The following TMEM117 variants were observed in gnomAD, a reference collection of about 807,000 sequenced individuals.
The protein encoded by TMEM117 is transmembrane protein 117.
Under a neutral mutation model 52.4 loss-of-function variants are expected in TMEM117, and 27 were observed. The observed-to-expected ratio is 0.51, with a 90% CI of 0.38 to 0.71. TMEM117 has a LOEUF of 0.71. Ranked by LOEUF, TMEM117 falls within the 30% of genes least tolerant of loss-of-function variation. TMEM117 has a pLI of 0.00. For synonymous variants in TMEM117, 215 were observed against 206.3 expected (o/e 1.04, Z -0.36); for missense variants, 556 against 630.5 (o/e 0.88, Z 1.26).
chr12:43,871,915 C>T (rs1447890188), intron 2 of TMEM117, among the ~76,000 whole-genome samples: 1 of 152,184 alleles, frequency 6.6e-6, no homozygotes, highest in Non-Finnish European at 1.5e-5. Context: ...TGGGTGCTCT[C>T]TTACCTTAAA....
chr12:44,390,778 CT>C (rs1302533160), downstream of TMEM117, among the ~76,000 whole-genome samples: 1 of 152,090 alleles, frequency 6.6e-6, no homozygotes, highest in African/African-American at 2.4e-5. Context: ...GTGACCTTTT[CT>C]TACCTACATA....
At chr12:43,839,600 A>C (rs1327421706) in intron 1 of TMEM117, among the ~76,000 whole-genome samples, 1 of 151,880 alleles carries the variant, frequency 6.6e-6, no homozygotes, top group Admixed American at 6.6e-5. Context: ...CACACCTGAC[A>C]CTCCCTGTTA....
intron 6 of TMEM117, among the ~76,000 whole-genome samples, chr12:44,335,525 G>C (rs181799429): frequency 6.6e-6 from 1 of 151,878 alleles, no homozygotes; most frequent in Non-Finnish European, 1.5e-5. Flanking sequence ...TATATTCAGG[G>C]TCATCTAGTT....
intron 6 of TMEM117, among the ~76,000 whole-genome samples, chr12:44,329,989 T>C (rs1303812844): frequency 6.6e-6 from 1 of 152,118 alleles, no homozygotes; most frequent in Non-Finnish European, 1.5e-5. Flanking sequence ...TAGAAATGTC[T>C]GTTCAAGTTC....
At chr12:44,256,016 A>G (rs1460764169) in intron 5 of TMEM117, among the ~76,000 whole-genome samples, 1 of 152,006 alleles carries the variant, frequency 6.6e-6, no homozygotes, top group Non-Finnish European at 1.5e-5. Context: ...AGCAGATTTT[A>G]TATTAAATTA....
chr12:43,817,695 T>G, the TMEM117 span, among the ~76,000 whole-genome samples: 1 of 152,202 alleles, frequency 6.6e-6, no homozygotes, highest in Admixed American at 6.5e-5. Context: ...CTTTATTAGA[T>G]TAGTTGATTC....
the TMEM117 span, among the ~76,000 whole-genome samples, chr12:43,798,986 A>C: frequency 1.3e-5 from 2 of 151,828 alleles, no homozygotes; most frequent in African/African-American, 4.8e-5. Flanking sequence ...ATTCAAGTAG[A>C]GTTCATAGAA....
chr12:43,976,159 C>T (rs75539343), intron 3 of TMEM117, among the ~76,000 whole-genome samples: 5,897 of 152,154 alleles, frequency 0.039, 369 homozygotes, highest in African/African-American at 0.13. Flanking sequence ...CACTTCTAGT[C>T]GACTGGAGGC....
chr12:44,018,461 T>G (rs1036401802), intron 3 of TMEM117, among the ~76,000 whole-genome samples: 1 of 152,190 alleles, frequency 6.6e-6, no homozygotes, highest in Non-Finnish European at 1.5e-5. Context: ...GAAACACATT[T>G]GAAGTAATTT....
At chr12:44,326,256 GT>G in intron 6 of TMEM117, among the ~76,000 whole-genome samples, 1 of 152,248 alleles carries the variant, frequency 6.6e-6, no homozygotes, top group East Asian at 1.9e-4. Flanking sequence ...GCCCAAATAT[GT>G]TATTAATGCA....
Position 44,013,848 on chromosome 12 carries a change from T to C in TMEM117, c.410+69506T>C, listed in dbSNP as rs146043595. Among the ~76,000 whole-genome samples the C allele has an allele frequency of 1.7e-3, 266 of 152,342 alleles. 1 individual carries two copies. Among genetic ancestry groups the C allele is most frequent in the African/African-American group, 5.1e-3 (214 of 41,578 alleles). ...CCAATTTGTGGTGTAGGGTTTGCCCTAAGACTTCACTTCACTGACAGATCT... is the reference window on the plus strand; with the variant it reads ...CCAATTTGTGGTGTAGGGTTTGCCCCAAGACTTCACTTCACTGACAGATCT... On this transcript the variant is annotated intron_variant, in intron 3 of 7. Coordinates refer to ENST00000266534, the MANE Select transcript of TMEM117 (RefSeq NM_032256.3).
At chr12:44,006,060 A>G (rs1826381) in intron 3 of TMEM117, among the ~76,000 whole-genome samples, 2 of 152,120 alleles carry the variant, frequency 1.3e-5, no homozygotes, top group Admixed American at 6.6e-5. Flanking sequence ...ACTAATACAT[A>G]GGGTTGTAGC....
intron 3 of TMEM117, among the ~76,000 whole-genome samples, chr12:44,038,255 G>A (rs958807306): frequency 6.6e-6 from 1 of 152,142 alleles, no homozygotes; most frequent in East Asian, 1.9e-4. Flanking sequence ...CCCTTGGGGA[G>A]CCTATACCTA....
intron 3 of TMEM117, among the ~76,000 whole-genome samples, chr12:44,096,281 A>G (rs1947759796): frequency 6.6e-6 from 1 of 152,204 alleles, no homozygotes; most frequent in Non-Finnish European, 1.5e-5. Context: ...GTAAATGGCC[A>G]TACTGCCCAA....
In TMEM117 at chr12:44,018,981, C is replaced by T. The variant is rs1156745281; in HGVS notation, c.410+74639C>T. Among the ~76,000 whole-genome samples the T allele has an allele frequency of 2.0e-5, 3 of 152,122 alleles. No individual in the cohort carries two copies. In the East Asian group the frequency reaches 5.8e-4, roughly 29 times the overall value. ...CCTCTCAAAGTGTTGGGATTACAGG[C>T]ATGAGCCACTGTGCCCAGCCGATTA... On this transcript the variant is annotated intron_variant, in intron 3 of 7. Transcript: ENST00000266534.
At chr12:44,354,618 AC>A (rs1398345105) in intron 6 of TMEM117, among the ~76,000 whole-genome samples, 2 of 151,562 alleles carry the variant, frequency 1.3e-5, no homozygotes, top group Non-Finnish European at 2.9e-5. Context: ...AAATTCAACA[AC>A]CCTTCATGCT....
intron 3 of TMEM117, among the ~76,000 whole-genome samples, chr12:44,114,978 A>T (rs1592529318): frequency 6.6e-6 from 1 of 152,236 alleles, no homozygotes; most frequent in Non-Finnish European, 1.5e-5. Flanking sequence ...TTAAAAACTT[A>T]ATTATGAATG....
intron 3 of TMEM117, among the ~76,000 whole-genome samples, chr12:43,965,376 A>G (rs1384658886): frequency 1.3e-5 from 2 of 152,214 alleles, no homozygotes; most frequent in Admixed American, 6.5e-5. Context: ...GTATATCTCT[A>G]TGAGGTCTTC....
intron 6 of TMEM117, among the ~76,000 whole-genome samples, chr12:44,308,461 T>TA (rs1217702175): frequency 2.6e-5 from 4 of 151,816 alleles, no homozygotes; most frequent in South Asian, 2.1e-4. Context: ...TTGTACCCAG[T>TA]AAAAAAAAGT....
Sources: allele counts gnomAD v4.1 joint callset (sites outside exome capture counted in the v4.1 genomes callset), GRCh38; gene constraint gnomAD v4.1.1; transcripts MANE v1.5; gene names NCBI Gene and HGNC (gene_info 2026-07-23, HGNC 2026-07-21).